PDE8B: variants seen among roughly 807,000 people sequenced by gnomAD.
The protein encoded by PDE8B is phosphodiesterase 8B.
PDE8B carries 26 observed loss-of-function variants against 101.3 expected under a neutral mutation model. The ratio of observed to expected loss-of-function variants is 0.26; its 90% CI spans 0.19 to 0.36. The LOEUF (loss-of-function observed/expected upper bound fraction) is 0.36, where lower values mean the gene tolerates loss of function less well. Ranked by LOEUF, PDE8B falls within the 10% of genes least tolerant of loss-of-function variation. PDE8B has a pLI of 1.00. For synonymous variants in PDE8B, 424 were observed against 429.3 expected (o/e 0.99, Z 0.15); for missense variants, 810 against 1,163.1 (o/e 0.70, Z 4.42).
chr5:77,105,363 ATG>A, the PDE8B span: 4 of 152,210 alleles, frequency 2.6e-5, no homozygotes, highest in Non-Finnish European at 5.9e-5. Context: ...TTAATAAATT[ATG>A]TGAGATATTC....
chr5:77,346,323 C>T (rs2150403637), intron 7 of PDE8B, among the ~76,000 whole-genome samples: 1 of 152,338 alleles, frequency 6.6e-6, no homozygotes, highest in Non-Finnish European at 1.5e-5. Flanking sequence ...AAAAATCCCA[C>T]ATCTCCCCCA....
chr5:77,318,073 A>AC (rs1561518773), intron 2 of PDE8B, among the ~76,000 whole-genome samples: 1 of 151,258 alleles, frequency 6.6e-6, no homozygotes, highest in Non-Finnish European at 1.5e-5. Context: ...AAAAAAAAAA[A>AC]AAAACACAAC....
At chr5:77,282,189 C>T (rs1252525617) in intron 1 of PDE8B, among the ~76,000 whole-genome samples, 2 of 152,092 alleles carry the variant, frequency 1.3e-5, no homozygotes, top group Non-Finnish European at 2.9e-5. Context: ...CCACAGGGAG[C>T]AGCCACATGG....
chr5:77,290,844 C>T (rs1159908562), intron 1 of PDE8B: 8 of 1,549,994 alleles, frequency 5.2e-6, no homozygotes, highest in Admixed American at 3.3e-5. Context: ...GAAAGGAGCT[C>T]CAACCACTTC....
intron 10 of PDE8B, among the ~76,000 whole-genome samples, chr5:77,375,001 T>G (rs762583338): frequency 1.3e-5 from 2 of 152,162 alleles, no homozygotes; most frequent in Non-Finnish European, 2.9e-5. Context: ...TCTCTAATTC[T>G]TGAGAAATTG....
Position 77,210,690 on chromosome 5 carries a change from G to A in PDE8B, c.-236G>A. On this transcript the variant is annotated 5_prime_UTR_variant, in exon 1 of 22. Transcript: ENST00000264917. The surrounding 1 kb of genome is among the most constrained non-coding windows in gnomAD (Gnocchi z 4.9). ...TGCGCGCGGGGCGCTGTGTATGCGC[G>A]CTCCCCCGCTCGGGGAGGAAGATGG... 1.0e-6 allele frequency: 1 copy of A among 980,468 alleles called. No individual in the cohort carries two copies. Among genetic ancestry groups the A allele is most frequent in the Non-Finnish European group, 1.2e-6 (1 of 827,476 alleles). 60.7% of individuals were successfully genotyped at this position (980,468 alleles called of 1,614,324 possible).
chr5:77,377,325 CAA>C (rs1786330724), intron 10 of PDE8B, among the ~76,000 whole-genome samples: 1 of 152,194 alleles, frequency 6.6e-6, no homozygotes, highest in Non-Finnish European at 1.5e-5. Flanking sequence ...TCGTGCTTCT[CAA>C]AGGATGGCAC....
At chr5:77,218,217 A>C (rs1345426250) in intron 1 of PDE8B, among the ~76,000 whole-genome samples, 2 of 152,256 alleles carry the variant, frequency 1.3e-5, no homozygotes, top group African/African-American at 4.8e-5. Flanking sequence ...TACACTTTGC[A>C]ACAAGGTAAA....
chr5:77,426,497 C>A lies in PDE8B; in HGVS notation c.2601C>A (p.His867Gln). The change falls in exon 22 of 22, where the codon CAC (histidine) becomes CAA (glutamine). Residue 867 changes from histidine to glutamine, a missense_variant. His to Gln is a conservative substitution (Grantham distance 24). Around this residue, in one of 4 missense-constraint regions of PDE8B, gnomAD observed 325 missense variants for 560.9 expected, o/e 0.58. Transcript: ENST00000264917. ...LMQHLADNYK[H>Q]WKTLDDLKCK... ...AACATTTGGCTGACAACTACAAACA[C>A]TGGAAGACACTAGATGACCTAAAGT... 6.2e-7 allele frequency: 1 copy of A among 1,613,852 alleles called. No homozygotes were observed. The highest frequency in any genetic ancestry group is 8.5e-7 in the Non-Finnish European group (1 of 1,179,764).
the PDE8B span, among the ~76,000 whole-genome samples, chr5:77,179,217 T>C: frequency 1.3e-5 from 2 of 152,290 alleles, no homozygotes; most frequent in Admixed American, 1.3e-4. Context: ...TGTAGGCCTT[T>C]ATGACTAATG....
intron 2 of PDE8B, 145 bp downstream of exon 2, chr5:77,312,198 G>A: frequency 3.0e-6 from 2 of 671,360 alleles, no homozygotes; most frequent in East Asian, 5.5e-5. Flanking sequence ...CTGCCTCCTG[G>A]GTTCAAGCGA....
chr5:77,115,512 G>A, the PDE8B span, among the ~76,000 whole-genome samples: 36 of 152,350 alleles, frequency 2.4e-4, 1 homozygote, highest in East Asian at 6.6e-3. Context: ...TGATAAGAAG[G>A]AAGTTTGAGG....
chr5:77,246,205 A>G (rs1756904558), intron 1 of PDE8B, among the ~76,000 whole-genome samples: 1 of 152,020 alleles, frequency 6.6e-6, no homozygotes, highest in African/African-American at 2.4e-5. Context: ...AAAAAAATGC[A>G]TTTTAGGTCA....
At chr5:77,373,646 C>T (rs1490353298) in intron 10 of PDE8B, among the ~76,000 whole-genome samples, 1 of 152,110 alleles carries the variant, frequency 6.6e-6, no homozygotes, top group African/African-American at 2.4e-5. Flanking sequence ...CTGAGATTCA[C>T]CCATGCTGTT....
At position 77,404,780 on chromosome 5, in the gene PDE8B, C is replaced by T. The variant is rs1581518555; in HGVS notation, c.1271C>T (p.Ser424Leu). 1 of 1,595,490 alleles carries T rather than the reference C, an allele frequency of 6.3e-7. No individual in the cohort carries two copies. Among genetic ancestry groups the T allele is most frequent in the Non-Finnish European group, 8.6e-7 (1 of 1,163,194 alleles). The stretch of plus-strand genomic sequence containing the variant: ...GAGTCCATTGACGTGAAATCGATAT[C>T]ATCTCGAGGCAGTGATGGTAAGATG... Reference protein sequence around the residue: ...RKESIDVKSISSRGSDAPSLQ... With the variant: ...RKESIDVKSILSRGSDAPSLQ... The change falls in exon 12 of 22, where the codon TCA becomes TTA. Residue 424 changes from serine to leucine, a missense_variant. By Grantham distance (145) the Ser-to-Leu change is moderately radical. This residue lies in a region of PDE8B where 75 missense variants were observed against 76.9 expected (regional missense o/e 0.98). Coordinates refer to ENST00000264917, the MANE Select transcript of PDE8B (RefSeq NM_003719.5).
the PDE8B span, chr5:77,113,507 G>A: frequency 2.0e-5 from 3 of 152,116 alleles, no homozygotes; most frequent in African/African-American, 7.2e-5. Flanking sequence ...GTATACAAAA[G>A]TTAACTCAAG....
chr5:77,421,057 A>G (rs1796538196), intron 19 of PDE8B, among the ~76,000 whole-genome samples: 1 of 152,218 alleles, frequency 6.6e-6, no homozygotes, highest in Non-Finnish European at 1.5e-5. Context: ...TTCAGGTTCT[A>G]TGTAAATGGC....
At chr5:77,397,741 A>G (rs1375025739) in intron 10 of PDE8B, among the ~76,000 whole-genome samples, 1 of 152,218 alleles carries the variant, frequency 6.6e-6, no homozygotes, top group Non-Finnish European at 1.5e-5. Flanking sequence ...CCTAAACCAC[A>G]CAATTCTTAT....
Position 77,411,775 on chromosome 5 carries a change from C to T in PDE8B, c.1576+54C>T. 3.0e-6 allele frequency: 4 copies of T among 1,343,462 alleles called. No individual in the cohort carries two copies. The Admixed American group carries it at 6.7e-5, about 23-fold the overall frequency. The allele number at this position is 1,343,462 out of a possible 1,614,324, so 83.2% of individuals were successfully genotyped here. Reference sequence around the variant, plus strand: ...GTAACCTGTCTCCAGCCTGTGCTGTCCCCGCTGTTGCGATTATTGTTCTGG... The same window carrying T: ...GTAACCTGTCTCCAGCCTGTGCTGTTCCCGCTGTTGCGATTATTGTTCTGG... On this transcript the variant is annotated intron_variant, in intron 15 of 21. Coordinates refer to ENST00000264917, the MANE Select transcript of PDE8B (RefSeq NM_003719.5).
Sources: gnomAD v4.1 joint callset for allele counts (sites outside exome capture counted in the v4.1 genomes callset) on GRCh38, gnomAD v4.1.1 for gene constraint, gnomAD v4.1.1 regional missense constraint, Gnocchi (gnomAD v3.1) non-coding constraint, MANE v1.5 for transcripts, NCBI Gene and HGNC (gene_info 2026-07-23, HGNC 2026-07-21) for gene names.